The following SFMBT2 variants were observed in gnomAD, a reference collection of about 807,000 sequenced individuals.
SFMBT2 encodes scm-like with four MBT domains protein 2.
SFMBT2 carries 38 observed loss-of-function variants against 110.1 expected under a neutral mutation model. The observed-to-expected ratio is 0.35, with a 90% CI of 0.27 to 0.45. The LOEUF (loss-of-function observed/expected upper bound fraction) is 0.45, where lower values mean the gene tolerates loss of function less well. SFMBT2 is among the 20% of genes least tolerant of loss of function. The probability of loss-of-function intolerance (pLI) is 1.00; values close to 1 mark genes in which losing one functional copy is unlikely to be tolerated. For synonymous variants in SFMBT2, 425 were observed against 425.4 expected (o/e 1.00, Z 0.01); for missense variants, 1,011 against 1,094.9 (o/e 0.92, Z 1.08).
At chr10:7,397,030 T>G (rs1845946163) in intron 1 of SFMBT2, among the ~76,000 whole-genome samples, 1 of 152,146 alleles carries the variant, frequency 6.6e-6, no homozygotes, top group African/African-American at 2.4e-5. Flanking sequence ...GTTGTGCACA[T>G]GTACCCTAGA....
chr10:7,389,225 A>G (rs1037306862), intron 1 of SFMBT2, among the ~76,000 whole-genome samples: 7 of 152,146 alleles, frequency 4.6e-5, no homozygotes, highest in Non-Finnish European at 8.8e-5. Context: ...TTTACATTCA[A>G]TGGGATGTTT....
intron 11 of SFMBT2, among the ~76,000 whole-genome samples, chr10:7,211,680 T>G (rs183996849): frequency 3.9e-5 from 6 of 152,188 alleles, no homozygotes; most frequent in African/African-American, 1.2e-4. Context: ...CTTCTCCCCC[T>G]AAGGTTTCAT....
At chr10:7,404,811 T>C (rs1846170564) in intron 1 of SFMBT2, among the ~76,000 whole-genome samples, 1 of 152,202 alleles carries the variant, frequency 6.6e-6, no homozygotes, top group Non-Finnish European at 1.5e-5. Flanking sequence ...GCCAACCAGA[T>C]GGGAAGTGTT....
intron 7 of SFMBT2, among the ~76,000 whole-genome samples, chr10:7,274,215 A>G (rs1841694728): frequency 1.3e-5 from 2 of 152,202 alleles, no homozygotes; most frequent in Non-Finnish European, 2.9e-5. Flanking sequence ...GACCAGGTGC[A>G]GTCGCTCACA....
chr10:7,176,397 C>A (rs558432442), intron 16 of SFMBT2: 9 of 834,440 alleles, frequency 1.1e-5, no homozygotes, highest in African/African-American at 5.5e-5. Flanking sequence ...TCCATAAACA[C>A]CCCCACATGT....
chr10:7,379,281 A>G (rs1730063679), intron 2 of SFMBT2, among the ~76,000 whole-genome samples: 1 of 152,178 alleles, frequency 6.6e-6, no homozygotes, highest in African/African-American at 2.4e-5. Context: ...AACAGCCCCA[A>G]ACCTGTCCCA....
intron 1 of SFMBT2, among the ~76,000 whole-genome samples, chr10:7,395,974 C>G (rs950264704): frequency 6.6e-6 from 1 of 152,052 alleles, no homozygotes; most frequent in African/African-American, 2.4e-5. Flanking sequence ...GTGGCTCACA[C>G]GTGTAATCCC....
At chr10:7,397,646 A>C (rs1845962442) in intron 1 of SFMBT2, among the ~76,000 whole-genome samples, 1 of 152,222 alleles carries the variant, frequency 6.6e-6, no homozygotes, top group African/African-American at 2.4e-5. Context: ...TTTTGAGCCG[A>C]ATCTTGGTCT....
intron 4 of SFMBT2, among the ~76,000 whole-genome samples, chr10:7,342,169 A>AATTGGT (rs1298529352): frequency 6.6e-6 from 1 of 151,576 alleles, no homozygotes; most frequent in Non-Finnish European, 1.5e-5. Flanking sequence ...AGCGAATTGG[A>AATTGGT]TAGTACTAAA....
At chr10:7,290,862 A>C (rs1842242495) in intron 4 of SFMBT2, among the ~76,000 whole-genome samples, 1 of 152,214 alleles carries the variant, frequency 6.6e-6, no homozygotes, top group Admixed American at 6.5e-5. Flanking sequence ...AAAGCAAGCT[A>C]TCTACAAATT....
At chr10:7,228,733 TTCCTTTCTCTCTC>T (rs1564395363) in intron 9 of SFMBT2, among the ~76,000 whole-genome samples, 246 of 70,340 alleles carry the variant, frequency 3.5e-3, no homozygotes, top group African/African-American at 7.2e-3. Context: ...CTTTCTTTCT[TTCCTTTCTCTCTC>T]TCTCTCTCTC....
At chr10:7,364,403 T>C (rs752628618) in intron 4 of SFMBT2, among the ~76,000 whole-genome samples, 1 of 152,230 alleles carries the variant, frequency 6.6e-6, no homozygotes, top group Non-Finnish European at 1.5e-5. Flanking sequence ...GTCAGTAGGA[T>C]ACAAATTTGA....
intron 1 of SFMBT2, among the ~76,000 whole-genome samples, chr10:7,393,073 C>T (rs976013391): frequency 1.2e-4 from 17 of 141,772 alleles, no homozygotes; most frequent in African/African-American, 4.5e-4. Context: ...TGCTCCGTCG[C>T]CCAGGCTGGA....
At position 7,176,094 on chromosome 10, in the gene SFMBT2, CG is replaced by C. The variant is rs1240541330; in HGVS notation, c.1879del (p.Arg627AlafsTer7). On this transcript the variant is annotated frameshift_variant, in exon 17 of 21. Coordinates refer to ENST00000397167, the MANE Select transcript of SFMBT2 (RefSeq NM_001387889.1). LOFTEE classifies it high-confidence loss of function. ...RTSDQVANFC[R>X]RVCAKLECCP... The stretch of plus-strand genomic sequence containing the variant: ...GCACTCTAGCTTGGCACAGACTCGG[CG>C]GCAGAAATTTGCGACTTGGTCAGAT... The C allele has an allele frequency of 6.2e-7, 1 of 1,614,020 alleles. No individual in the cohort carries two copies. Among genetic ancestry groups the C allele is most frequent in the Non-Finnish European group, 8.5e-7 (1 of 1,180,032 alleles).
chr10:7,287,588 A>G (rs1842133101), intron 4 of SFMBT2, among the ~76,000 whole-genome samples: 1 of 152,164 alleles, frequency 6.6e-6, no homozygotes, highest in Non-Finnish European at 1.5e-5. Context: ...CATAAATGAC[A>G]GCAAGACCCT....
chr10:7,197,537 A>G lies in SFMBT2; in HGVS notation c.1698+11T>C, dbSNP rs1378218149. ...TTAAAATAAGCCAAGGTGATTGTGC[A>G]CGGGCTTTACCTCTTTAAGAACCAG... On this transcript the variant is annotated intron_variant, in intron 15 of 20. Transcript: ENST00000397167. 2 of 1,612,236 alleles carry G rather than the reference A, an allele frequency of 1.2e-6. No homozygotes were observed. The highest frequency in any genetic ancestry group is 2.2e-5 in the East Asian group (1 of 44,866).
intron 4 of SFMBT2, among the ~76,000 whole-genome samples, chr10:7,317,076 A>C (rs762175504): frequency 1.2e-4 from 18 of 152,050 alleles, no homozygotes; most frequent in Non-Finnish European, 2.6e-4. Flanking sequence ...CATCAGTTGC[A>C]GTCTTTGCAG....
chr10:7,280,927 G>A (rs1467642268), intron 6 of SFMBT2, among the ~76,000 whole-genome samples: 1 of 152,190 alleles, frequency 6.6e-6, no homozygotes, highest in Non-Finnish European at 1.5e-5. Flanking sequence ...GAACAGTTGA[G>A]AAATACTGTA....
At chr10:7,189,088 G>A in intron 15 of SFMBT2, 1 of 862,348 alleles carries the variant, frequency 1.2e-6, no homozygotes, top group Non-Finnish European at 1.4e-6. Context: ...AGTTGGATAG[G>A]CTACTGAGAA....
Sources: allele counts gnomAD v4.1 joint callset (sites outside exome capture counted in the v4.1 genomes callset), GRCh38; gene constraint gnomAD v4.1.1; transcripts MANE v1.5; gene names NCBI Gene and HGNC (gene_info 2026-07-23, HGNC 2026-07-21).